Variants in RIMS2 observed in about 807,000 individuals in gnomAD.
RIMS2 encodes regulating synaptic membrane exocytosis protein 2.
Under a neutral mutation model 174.4 loss-of-function variants are expected in RIMS2, and 59 were observed. The ratio of observed to expected loss-of-function variants is 0.34; its 90% CI spans 0.27 to 0.42. The LOEUF is 0.42. RIMS2 is among the 10% of genes least tolerant of loss of function. The pLI, the probability that RIMS2 is intolerant of heterozygous loss-of-function variation, is 1.00. For synonymous variants in RIMS2, 606 were observed against 572.5 expected (o/e 1.06, Z -0.84); for missense variants, 1,620 against 1,666.3 (o/e 0.97, Z 0.48).
At chr8:103,562,605 G>T (rs893714543) in intron 1 of RIMS2, among the ~76,000 whole-genome samples, 2 of 152,138 alleles carry the variant, frequency 1.3e-5, no homozygotes, top group Non-Finnish European at 1.5e-5. Flanking sequence ...GGCTTTTCCA[G>T]GTGCATGGTG....
intron 1 of RIMS2, among the ~76,000 whole-genome samples, chr8:103,660,823 A>G (rs1251239510): frequency 3.9e-5 from 6 of 152,252 alleles, no homozygotes; most frequent in Admixed American, 6.5e-5. Flanking sequence ...GGTTGCTCAG[A>G]AAAGGATACT....
rs145807639 is a variant in RIMS2 at position 103,579,747 on chromosome 8, C to G, written c.176+78685C>G. 4.2e-3 allele frequency among the ~76,000 whole-genome samples: 640 copies of G among 152,290 alleles called. 4 individuals are homozygous for G. Among genetic ancestry groups the G allele is most frequent in the African/African-American group, 0.015 (609 of 41,552 alleles). ...ACCACTGTATTAGTCTGTTCTCACACTGCTATAAAGAACTACCTGAGACTG... is the reference window on the plus strand; with the variant it reads ...ACCACTGTATTAGTCTGTTCTCACAGTGCTATAAAGAACTACCTGAGACTG... On this transcript the variant is annotated intron_variant, in intron 1 of 23. Transcript: ENST00000504942.
intron 19 of RIMS2, among the ~76,000 whole-genome samples, chr8:104,029,551 G>A (rs889995724): frequency 6.6e-6 from 1 of 152,032 alleles, no homozygotes; most frequent in African/African-American, 2.4e-5. Context: ...TAAATTTATG[G>A]TTATTGGAAC....
intron 19 of RIMS2, among the ~76,000 whole-genome samples, chr8:104,080,026 C>T (rs1279369956): frequency 6.6e-6 from 1 of 151,882 alleles, no homozygotes; most frequent in East Asian, 1.9e-4. Context: ...GGGTAATAGT[C>T]AAAAGCATGT....
intron 10 of RIMS2, among the ~76,000 whole-genome samples, chr8:103,923,627 G>A (rs2078151222): frequency 6.6e-6 from 1 of 151,704 alleles, no homozygotes; most frequent in Non-Finnish European, 1.5e-5. Context: ...AATTTAAAAT[G>A]TGTACTATTT....
chr8:104,110,282 C>G (rs1247387818), intron 19 of RIMS2, among the ~76,000 whole-genome samples: 5 of 152,116 alleles, frequency 3.3e-5, no homozygotes, highest in Admixed American at 2.0e-4. Context: ...CCTTCCACTT[C>G]ACTGCAGAAT....
At chr8:103,972,671 G>A (rs2093011891) in intron 15 of RIMS2, among the ~76,000 whole-genome samples, 1 of 151,996 alleles carries the variant, frequency 6.6e-6, no homozygotes, top group South Asian at 2.1e-4. Flanking sequence ...TGCTACCTTG[G>A]GGCCTTTTCA....
chr8:104,101,620 AC>A, intron 19 of RIMS2, among the ~76,000 whole-genome samples: 1 of 152,238 alleles, frequency 6.6e-6, no homozygotes, highest in South Asian at 2.1e-4. Context: ...AAGCAACTTA[AC>A]ATACCCATTG....
At chr8:104,191,237 G>A (rs541191919) in intron 19 of RIMS2, among the ~76,000 whole-genome samples, 3 of 152,136 alleles carry the variant, frequency 2.0e-5, no homozygotes, top group Non-Finnish European at 1.5e-5. Context: ...ATCATTTTAA[G>A]TCTTAGTTGT....
intron 3 of RIMS2, among the ~76,000 whole-genome samples, chr8:103,884,822 A>G (rs1180046707): frequency 6.6e-6 from 1 of 151,930 alleles, no homozygotes; most frequent in Non-Finnish European, 1.5e-5. Flanking sequence ...ATGATTTTTA[A>G]GAGCCAGCAC....
At chr8:104,026,650 G>C (rs2096264816) in intron 19 of RIMS2, among the ~76,000 whole-genome samples, 1 of 152,206 alleles carries the variant, frequency 6.6e-6, no homozygotes, top group African/African-American at 2.4e-5. Flanking sequence ...AGGAGAGGGG[G>C]AAAAATAAAA....
chr8:104,236,142 A>T (rs2099257358), intron 19 of RIMS2, among the ~76,000 whole-genome samples: 1 of 151,648 alleles, frequency 6.6e-6, no homozygotes, highest in South Asian at 2.1e-4. Flanking sequence ...ATGTGATTAC[A>T]TTGAGTTAAA....
intron 2 of RIMS2, among the ~76,000 whole-genome samples, chr8:103,719,783 T>C (rs796725378): frequency 1.5e-4 from 23 of 152,320 alleles, no homozygotes; most frequent in African/African-American, 5.1e-4. Context: ...TATCTAACTG[T>C]TCATCTGTTA....
At chr8:103,866,541 G>A (rs141530925) in intron 3 of RIMS2, among the ~76,000 whole-genome samples, 58 of 152,070 alleles carry the variant, frequency 3.8e-4, no homozygotes, top group Admixed American at 7.2e-4. Flanking sequence ...CATAACAAAC[G>A]ATATTTGAAC....
At chr8:104,210,081 A>G (rs1563770668) in intron 19 of RIMS2, among the ~76,000 whole-genome samples, 1 of 152,208 alleles carries the variant, frequency 6.6e-6, no homozygotes, top group African/African-American at 2.4e-5. Context: ...GTACAATACC[A>G]CAAAGGCTAA....
intron 3 of RIMS2, among the ~76,000 whole-genome samples, chr8:103,865,055 A>G (rs991675197): frequency 3.3e-5 from 5 of 152,110 alleles, no homozygotes; most frequent in Non-Finnish European, 5.9e-5. Flanking sequence ...TTCATAGCAC[A>G]CATAGAAAAT....
chr8:103,939,586 C>A (rs966313075), intron 13 of RIMS2, among the ~76,000 whole-genome samples: 2 of 152,208 alleles, frequency 1.3e-5, no homozygotes, highest in Admixed American at 1.3e-4. Flanking sequence ...TAACATTTGG[C>A]CCCTCATTAC....
intron 1 of RIMS2, among the ~76,000 whole-genome samples, chr8:103,531,951 A>G (rs1837386894): frequency 6.6e-6 from 1 of 152,224 alleles, no homozygotes; most frequent in African/African-American, 2.4e-5. Context: ...TAGAAATGAC[A>G]CTATGCAATA....
Position 103,877,825 on chromosome 8 carries a change from G to A in RIMS2, c.699-7473G>A, listed in dbSNP as rs527919835. Among the ~76,000 whole-genome samples, 3 of 151,854 alleles carry A rather than the reference G, an allele frequency of 2.0e-5. No homozygotes were observed. The East Asian group carries it at 5.8e-4, about 29-fold the overall frequency. Reference sequence around the variant, plus strand: ...TTGAGTCTGTAGATTGCTTTGAGCAGTATGATCATTTTAATGATATTGATT... The same window carrying A: ...TTGAGTCTGTAGATTGCTTTGAGCAATATGATCATTTTAATGATATTGATT... On this transcript the variant is annotated intron_variant, in intron 3 of 23. Coordinates refer to ENST00000504942, the Ensembl canonical transcript of RIMS2.
Sources: allele counts gnomAD v4.1 joint callset (sites outside exome capture counted in the v4.1 genomes callset), GRCh38; gene constraint gnomAD v4.1.1; transcripts MANE v1.5; gene names NCBI Gene and HGNC (gene_info 2026-07-23, HGNC 2026-07-21).